The following ANO1 variants were observed in gnomAD, a reference collection of about 807,000 sequenced individuals.
ANO1 encodes the protein anoctamin 1.
ANO1 carries 59 observed loss-of-function variants against 124.0 expected under a neutral mutation model. The ratio of observed to expected loss-of-function variants is 0.48; its 90% CI spans 0.39 to 0.59. ANO1 has a LOEUF of 0.59. Ranked by LOEUF, ANO1 falls within the 20% of genes least tolerant of loss-of-function variation. The pLI is 0.00. For missense variants in ANO1, 1,059 were observed against 1,328.0 expected (o/e 0.80, Z 3.15); for synonymous variants, 529 against 532.0 (o/e 0.99, Z 0.08).
chr11:70,009,540 T>A (rs1487160020), intron 1 of ANO1, among the ~76,000 whole-genome samples: 1 of 152,190 alleles, frequency 6.6e-6, no homozygotes, highest in South Asian at 2.1e-4. Context: ...TTGAGAAGCT[T>A]TTTGAAAAGG....
At chr11:70,038,253 A>G (rs1282307853) in intron 1 of ANO1, among the ~76,000 whole-genome samples, 1 of 152,102 alleles carries the variant, frequency 6.6e-6, no homozygotes, top group Admixed American at 6.5e-5. Flanking sequence ...AACCCTCCTG[A>G]CCCTCTCATG....
intron 1 of ANO1, among the ~76,000 whole-genome samples, chr11:70,032,201 G>C (rs945398508): frequency 9.2e-5 from 14 of 152,184 alleles, no homozygotes; most frequent in Non-Finnish European, 7.3e-5. Flanking sequence ...TCCTGGGAAG[G>C]CTGGGGCAGC....
intron 16 of ANO1, among the ~76,000 whole-genome samples, chr11:70,158,261 G>A (rs12295837): frequency 0.26 from 38,876 of 152,150 alleles, 5,052 homozygotes; most frequent in Middle Eastern, 0.38. Context: ...CCGCCTGCTA[G>A]CTGTGTTTCC....
chr11:70,109,273 G>A (rs977620282), intron 6 of ANO1, among the ~76,000 whole-genome samples: 3 of 152,166 alleles, frequency 2.0e-5, no homozygotes, highest in Non-Finnish European at 4.4e-5. Flanking sequence ...GAATGCTGTG[G>A]GAAGTAAAAT....
chr11:70,105,952 G>A (rs1264009719), intron 5 of ANO1, among the ~76,000 whole-genome samples, 164 bp downstream of exon 5: 2 of 152,126 alleles, frequency 1.3e-5, no homozygotes, highest in Non-Finnish European at 2.9e-5. Context: ...AGGGGCCCAG[G>A]GGATGGTCGT....
intron 2 of ANO1, among the ~76,000 whole-genome samples, chr11:70,100,602 G>A (rs543124188): frequency 6.6e-6 from 1 of 152,286 alleles, no homozygotes; most frequent in East Asian, 1.9e-4. Context: ...GAAGGAGAAT[G>A]AACACCCACT....
chr11:70,158,413 C>A (rs2047909002), intron 16 of ANO1, among the ~76,000 whole-genome samples: 1 of 152,260 alleles, frequency 6.6e-6, no homozygotes, highest in Non-Finnish European at 1.5e-5. Context: ...GGCAGCTGTG[C>A]ACTGAGGGCC....
chr11:70,047,867 G>A (rs1857285461), intron 1 of ANO1, among the ~76,000 whole-genome samples: 1 of 152,212 alleles, frequency 6.6e-6, no homozygotes, highest in South Asian at 2.1e-4. Flanking sequence ...GGTTTTACAA[G>A]TACTGCAGTT....
intron 1 of ANO1, among the ~76,000 whole-genome samples, chr11:70,080,617 G>A (rs1483986399): frequency 6.6e-6 from 1 of 152,178 alleles, no homozygotes; most frequent in South Asian, 2.1e-4. Flanking sequence ...AGGACCCATT[G>A]CTTATCCAGA....
Position 70,108,391 on chromosome 11 carries a change from C to T in ANO1, c.786C>T (p.Ala262=), listed in dbSNP as rs775769327. The change falls in exon 6 of 26, where the codon GCC becomes GCT. Residue 262 remains alanine, a synonymous_variant. Transcript: ENST00000355303. Reference sequence around the variant, plus strand: ...TGAAGAGAACGACGTGTACAAAGGCCAAGTACAGCATGGGTAAGCACGTTT... The same window carrying T: ...TGAAGAGAACGACGTGTACAAAGGCTAAGTACAGCATGGGTAAGCACGTTT... The part of the protein sequence containing the change: ...EILKRTTCTK[A]KYSMGITSLL... 1.9e-6 allele frequency: 3 copies of T among 1,612,280 alleles called. No homozygotes were observed. Among genetic ancestry groups the T allele is most frequent in the Non-Finnish European group, 2.5e-6 (3 of 1,178,712 alleles).
chr11:70,163,537 A>G lies in ANO1; in HGVS notation c.1950+197A>G, dbSNP rs537578458. 1.8e-4 allele frequency: 117 copies of G among 668,340 alleles called. 1 individual carries two copies. In the South Asian group the frequency reaches 1.8e-3, roughly 10 times the overall value. The allele number at this position is 668,340 out of a possible 1,614,324, so 41.4% of individuals were successfully genotyped here. Reference sequence around the variant, plus strand: ...AATCTTATCTGGTGTGTTCATATAGAATCACCTAGAAGGATAAAGTCGCTG... The same window carrying G: ...AATCTTATCTGGTGTGTTCATATAGGATCACCTAGAAGGATAAAGTCGCTG... On this transcript the variant is annotated intron_variant, in intron 19 of 25. Transcript: ENST00000355303.
chr11:70,066,478 A>C (rs557393967), intron 1 of ANO1, among the ~76,000 whole-genome samples: 6 of 152,276 alleles, frequency 3.9e-5, no homozygotes, highest in African/African-American at 1.4e-4. Flanking sequence ...TGTGCCTGGC[A>C]CCCATCATCA....
chr11:69,989,364 G>C (rs1055932721), intron 1 of ANO1, among the ~76,000 whole-genome samples: 2 of 152,162 alleles, frequency 1.3e-5, no homozygotes, highest in African/African-American at 4.8e-5. Flanking sequence ...AGTGGGTGGT[G>C]TGGGAAAACA....
At chr11:69,968,322 C>T in the ANO1 span, among the ~76,000 whole-genome samples, 7 of 152,248 alleles carry the variant, frequency 4.6e-5, no homozygotes, top group African/African-American at 1.4e-4. Context: ...AAAGCAGGAA[C>T]GACCCCCAGG....
the ANO1 span, among the ~76,000 whole-genome samples, chr11:69,980,824 C>T: frequency 7.9e-5 from 12 of 151,882 alleles, no homozygotes; most frequent in Admixed American, 1.3e-4. Context: ...GAGGCCAAGG[C>T]GGGCAGATCA....
chr11:70,004,547 A>C (rs1327025593), intron 1 of ANO1, among the ~76,000 whole-genome samples: 1 of 152,218 alleles, frequency 6.6e-6, no homozygotes, highest in African/African-American at 2.4e-5. Flanking sequence ...GTTCCAGGCC[A>C]CTGTCAGATG....
intron 1 of ANO1, among the ~76,000 whole-genome samples, chr11:70,071,731 C>T (rs1857878463): frequency 6.6e-6 from 1 of 152,078 alleles, no homozygotes; most frequent in African/African-American, 2.4e-5. Flanking sequence ...TTAAGCAATC[C>T]TCCCACCTGA....
intron 1 of ANO1, among the ~76,000 whole-genome samples, chr11:69,992,635 CCTCA>C (rs1353990969): frequency 6.6e-6 from 1 of 152,144 alleles, no homozygotes; most frequent in Non-Finnish European, 1.5e-5. Context: ...CAACCTAGGT[CCTCA>C]CTAATTCAGC....
chr11:70,061,453 CT>C (rs781099962), intron 1 of ANO1, among the ~76,000 whole-genome samples: 4 of 147,306 alleles, frequency 2.7e-5, no homozygotes, highest in South Asian at 2.2e-4. Flanking sequence ...TTTCTCTCTC[CT>C]TCTCTCTCTC....
Sources: allele counts gnomAD v4.1 joint callset (sites outside exome capture counted in the v4.1 genomes callset), GRCh38; gene constraint gnomAD v4.1.1; transcripts MANE v1.5; gene names NCBI Gene and HGNC (gene_info 2026-07-23, HGNC 2026-07-21).